The following NTM variants were observed in gnomAD, a reference collection of about 807,000 sequenced individuals.
NTM encodes the protein neurotrimin.
Under a neutral mutation model 42.1 loss-of-function variants are expected in NTM, and 13 were observed. The observed-to-expected ratio is 0.31, with a 90% confidence interval of 0.20 to 0.49. The LOEUF (loss-of-function observed/expected upper bound fraction) is 0.49, where lower values mean the gene tolerates loss of function less well. Ranked by LOEUF, NTM falls within the 20% of genes least tolerant of loss-of-function variation. The probability of loss-of-function intolerance (pLI) is 0.99; values close to 1 mark genes in which losing one functional copy is unlikely to be tolerated. For missense variants in NTM, 373 were observed against 452.8 expected (o/e 0.82, Z 1.60); for synonymous variants, 187 against 179.2 (o/e 1.04, Z -0.35).
chr11:131,789,014 G>A (rs946541898), intron 1 of NTM, among the ~76,000 whole-genome samples: 2 of 152,062 alleles, frequency 1.3e-5, no homozygotes, highest in Non-Finnish European at 2.9e-5. Context: ...CTTCCAGGGG[G>A]CCGGGGTCTC....
chr11:131,944,968 C>T (rs1247006332), intron 2 of NTM, among the ~76,000 whole-genome samples: 1 of 152,030 alleles, frequency 6.6e-6, no homozygotes, highest in Non-Finnish European at 1.5e-5. Flanking sequence ...AGGATAAAAC[C>T]CAGCCTGGAT....
At chr11:131,749,360 A>G (rs917807237) in intron 1 of NTM, among the ~76,000 whole-genome samples, 6 of 152,346 alleles carry the variant, frequency 3.9e-5, no homozygotes, top group Admixed American at 6.5e-5. Context: ...AGGAAATGAC[A>G]TAGAGCTTAC....
In NTM at chr11:131,804,422, T is replaced by A. The variant is rs185343472; in HGVS notation, c.83-107142T>A. On this transcript the variant is annotated intron_variant, in intron 1 of 8. Coordinates refer to ENST00000683400, the MANE Select transcript of NTM (RefSeq NM_001352005.2). The stretch of plus-strand genomic sequence containing the variant: ...TGGTCTATCTCAAGCCCTCACCTTC[T>A]TAATCTTCACGCGCACCCAGCTTTC... Among the ~76,000 whole-genome samples the A allele has an allele frequency of 1.9e-3, 285 of 152,272 alleles. 3 individuals carry two copies. The highest frequency in any genetic ancestry group is 6.6e-4 in the Non-Finnish European group (45 of 68,032).
At chr11:132,018,863 A>G (rs2135499186) in intron 2 of NTM, among the ~76,000 whole-genome samples, 1 of 152,164 alleles carries the variant, frequency 6.6e-6, no homozygotes, top group African/African-American at 2.4e-5. Context: ...TTCTTTGCCG[A>G]AGATTTTTCA....
At chr11:131,834,459 G>C (rs1209337294) in intron 1 of NTM, among the ~76,000 whole-genome samples, 1 of 151,920 alleles carries the variant, frequency 6.6e-6, no homozygotes, top group Non-Finnish European at 1.5e-5. Flanking sequence ...GGTTGCAGCT[G>C]TGAGTAATTA....
rs1306886703 is a variant in NTM, at chr11:132,213,949, T to C, written c.526+1802T>C. The stretch of plus-strand genomic sequence containing the variant: ...CGGGGTTTCACCGTTTTAGCTGGGA[T>C]GGTCTCGATCTCCTGACCTCGTGAT... On this transcript the variant is annotated intron_variant, in intron 4 of 8. Coordinates refer to ENST00000683400, the MANE Select transcript of NTM (RefSeq NM_001352005.2). Among the ~76,000 whole-genome samples, 2 of 64,060 alleles carry C rather than the reference T, an allele frequency of 3.1e-5. 1 individual carries two copies. The highest frequency in any genetic ancestry group is 3.0e-4 in the Admixed American group (2 of 6,650). The allele number at this position is 64,060 out of a possible 152,430, so 42.0% of individuals were successfully genotyped here.
At chr11:131,399,584 C>A (rs184822867) in intron 1 of NTM, among the ~76,000 whole-genome samples, 8 of 152,220 alleles carry the variant, frequency 5.3e-5, no homozygotes, top group Admixed American at 3.3e-4. Flanking sequence ...GGCTTTGAGT[C>A]CTGGAAGTGT....
At chr11:132,155,431 A>G (rs1386750464) in intron 3 of NTM, among the ~76,000 whole-genome samples, 4 of 152,040 alleles carry the variant, frequency 2.6e-5, no homozygotes, top group South Asian at 2.1e-4. Flanking sequence ...TATGGATGCA[A>G]TCCTCTAGAT....
chr11:132,274,403 G>T (rs2093628004), intron 4 of NTM, among the ~76,000 whole-genome samples: 1 of 151,410 alleles, frequency 6.6e-6, no homozygotes, highest in Admixed American at 6.6e-5. Context: ...AAAGTTTTTG[G>T]TTTTTGTTAT....
intron 1 of NTM, among the ~76,000 whole-genome samples, chr11:131,753,229 A>G (rs2082809973): frequency 6.6e-6 from 1 of 152,172 alleles, no homozygotes; most frequent in East Asian, 1.9e-4. Context: ...ATCATTAAAA[A>G]GTCAGGTAAC....
intron 1 of NTM, among the ~76,000 whole-genome samples, chr11:131,551,421 C>CAA (rs543963237): frequency 0.026 from 2,301 of 87,012 alleles, 58 homozygotes; most frequent in African/African-American, 0.086. Context: ...GAGGTTCCTC[C>CAA]AAAAAAAAAA....
chr11:131,884,363 C>T (rs190177116), intron 1 of NTM, among the ~76,000 whole-genome samples: 8 of 152,088 alleles, frequency 5.3e-5, no homozygotes, highest in Admixed American at 2.6e-4. Flanking sequence ...GAGCAGAGAT[C>T]GCGCTATTGC....
At chr11:131,710,369 C>T (rs998693511) in intron 1 of NTM, among the ~76,000 whole-genome samples, 2 of 152,120 alleles carry the variant, frequency 1.3e-5, no homozygotes, top group African/African-American at 4.8e-5. Flanking sequence ...GTGATGCCTC[C>T]GTCCCCACCA....
intron 4 of NTM, among the ~76,000 whole-genome samples, chr11:132,231,980 G>A (rs527283984): frequency 9.2e-5 from 14 of 152,158 alleles, no homozygotes; most frequent in Non-Finnish European, 1.6e-4. Flanking sequence ...CTCCCTAGGC[G>A]ATGTAGCTGC....
intron 1 of NTM, among the ~76,000 whole-genome samples, chr11:131,838,791 ATCAT>A (rs1187245570): frequency 6.6e-6 from 1 of 152,156 alleles, no homozygotes; most frequent in Non-Finnish European, 1.5e-5. Flanking sequence ...AAAACATTCC[ATCAT>A]TCATTCATTC....
rs2046622756 is a variant in NTM, at chr11:131,500,555, ATATATATATATATATATATATATTTT to A, written c.82+129669_82+129694del. On this transcript the variant is annotated intron_variant, in intron 1 of 8. Coordinates refer to ENST00000683400, the MANE Select transcript of NTM (RefSeq NM_001352005.2). ...ATAGTTATTTATTATATATATATAT[ATATATATATATATATATATATATTTT>A]TTTTTTTTTTTTTTGTATTATACTT... Among the ~76,000 whole-genome samples the A allele has an allele frequency of 8.8e-5, 2 of 22,750 alleles. 1 individual carries two copies. The highest frequency in any genetic ancestry group is 7.0e-4 in the Admixed American group (2 of 2,850). 14.9% of individuals were successfully genotyped at this position (22,750 alleles called of 152,430 possible). A position where few individuals can be genotyped will look rare whatever the true frequency, so the allele number is the denominator to read the frequency against.
At position 131,507,665 on chromosome 11, in the gene NTM, G is replaced by T. The variant is rs1220744538; in HGVS notation, c.82+136777G>T. On this transcript the variant is annotated intron_variant, in intron 1 of 8. Transcript: ENST00000683400. ...CCTTGGGCAGTATGGCCATTTTCACGATATTGATTCTTCCTACCCATGAGC... is the reference window on the plus strand; with the variant it reads ...CCTTGGGCAGTATGGCCATTTTCACTATATTGATTCTTCCTACCCATGAGC... Among the ~76,000 whole-genome samples the T allele has an allele frequency of 6.1e-5, 9 of 147,448 alleles. No individual in the cohort carries two copies. The South Asian group carries it at 1.8e-3, about 30-fold the overall frequency.
In NTM at chr11:131,880,489, AG is replaced by A. The variant is rs532258150; in HGVS notation, c.83-31074del. Among the ~76,000 whole-genome samples, 62 of 152,344 alleles carry A rather than the reference AG, an allele frequency of 4.1e-4. 1 individual carries two copies. The highest frequency in any genetic ancestry group is 1.4e-3 in the African/African-American group (58 of 41,582). On this transcript the variant is annotated intron_variant, in intron 1 of 8. Coordinates refer to ENST00000683400, the MANE Select transcript of NTM (RefSeq NM_001352005.2). ...GAGCACTAGCTTAAAGCTGAGGAAG[AG>A]AAAGTTTAAGCTGGGGATTAGCAGA... is the stretch of plus-strand genomic sequence containing the variant.
At chr11:131,846,752 C>T (rs973658114) in intron 1 of NTM, among the ~76,000 whole-genome samples, 6 of 152,022 alleles carry the variant, frequency 3.9e-5, no homozygotes, top group South Asian at 2.1e-4. Context: ...CACCAGCAAG[C>T]GTACATTTCA....
Sources: allele counts gnomAD v4.1 joint callset (sites outside exome capture counted in the v4.1 genomes callset), GRCh38; gene constraint gnomAD v4.1.1; transcripts MANE v1.5; gene names NCBI Gene and HGNC (gene_info 2026-07-23, HGNC 2026-07-21).